ARHGAP20: variants seen among roughly 807,000 people sequenced by gnomAD.
ARHGAP20 encodes the protein rho GTPase-activating protein 20.
In ARHGAP20, 34 loss-of-function variants were observed where a neutral mutation model predicts 73.7. The observed-to-expected ratio is 0.46, with a 90% CI of 0.35 to 0.61. The LOEUF (loss-of-function observed/expected upper bound fraction) is 0.61. Among genes scored for constraint, ARHGAP20 ranks in the 20% least tolerant of loss-of-function variants. The pLI is 0.00. For missense variants in ARHGAP20, 1,314 were observed against 1,420.9 expected (o/e 0.92, Z 1.21); for synonymous variants, 523 against 518.2 (o/e 1.01, Z -0.13).
intron 9 of ARHGAP20, among the ~76,000 whole-genome samples, chr11:110,597,593 C>T (rs1948002502): frequency 6.6e-6 from 1 of 152,142 alleles, no homozygotes; most frequent in Non-Finnish European, 1.5e-5. Context: ...CCACTGTACA[C>T]AGCCCTGATT....
intron 9 of ARHGAP20, among the ~76,000 whole-genome samples, chr11:110,597,055 C>T (rs573840406): frequency 1.3e-5 from 2 of 149,706 alleles, no homozygotes; most frequent in African/African-American, 2.5e-5. Context: ...AAATCAAACA[C>T]CGCATGTTCT....
At chr11:110,591,015 A>C (rs1335164499) in intron 10 of ARHGAP20, among the ~76,000 whole-genome samples, 3 of 152,130 alleles carry the variant, frequency 2.0e-5, no homozygotes, top group Admixed American at 6.5e-5. Flanking sequence ...GGTGGTGAGC[A>C]GGTTGGGGAG....
intron 11 of ARHGAP20, chr11:110,589,357 T>C: frequency 1.0e-6 from 1 of 973,474 alleles, no homozygotes; most frequent in Non-Finnish European, 1.2e-6. Flanking sequence ...TAAGAGCAGA[T>C]ATGGCTTATT....
intron 2 of ARHGAP20, among the ~76,000 whole-genome samples, chr11:110,632,760 C>T (rs1403057280): frequency 6.6e-6 from 1 of 152,136 alleles, no homozygotes; most frequent in Non-Finnish European, 1.5e-5. Context: ...TTCTTACTGG[C>T]CATTTGCATT....
In ARHGAP20 at chr11:110,712,146, C is replaced by A. The variant is rs530582931; in HGVS notation, c.86G>T (p.Gly29Val). 13 of 1,360,880 alleles carry A rather than the reference C, an allele frequency of 9.6e-6. 1 individual carries two copies. In the South Asian group the frequency reaches 2.3e-4, roughly 24 times the overall value. 84.3% of individuals were successfully genotyped at this position (1,360,880 alleles called of 1,614,324 possible). The change falls in exon 1 of 15, where the codon GGA (glycine) becomes GTA (valine). Residue 29 changes from glycine to valine, a missense_variant. Gly to Val is a moderately radical substitution (Grantham distance 109, BLOSUM62 -3). This residue lies in a region of ARHGAP20 where 443 missense variants were observed against 466.4 expected (regional missense o/e 0.95). Coordinates refer to ENST00000683387, the MANE Select transcript of ARHGAP20 (RefSeq NM_001384657.1). ...SSLTGVSRLAGGSCTKKKMKT... is the reference protein window; with the variant it reads ...SSLTGVSRLAVGSCTKKKMKT... Reference sequence around the variant, plus strand: ...CCTCACCTTCTTGGTGCAGCTGCCTCCCGCGAGCCGAGACACTCCTGTCAG... The same window carrying A: ...CCTCACCTTCTTGGTGCAGCTGCCTACCGCGAGCCGAGACACTCCTGTCAG...
intron 2 of ARHGAP20, among the ~76,000 whole-genome samples, chr11:110,668,258 G>T (rs1280880742): frequency 4.6e-5 from 7 of 152,110 alleles, no homozygotes; most frequent in Admixed American, 4.6e-4. Flanking sequence ...ACAACACTGA[G>T]ACAAGACCCT....
intron 3 of ARHGAP20, among the ~76,000 whole-genome samples, chr11:110,627,357 T>C (rs949912122): frequency 6.6e-6 from 1 of 152,162 alleles, no homozygotes; most frequent in Admixed American, 6.5e-5. Context: ...CCTCCCAAAG[T>C]GCTGGGATTA....
chr11:110,643,728 T>C (rs1446783013), intron 2 of ARHGAP20, among the ~76,000 whole-genome samples: 1 of 152,028 alleles, frequency 6.6e-6, no homozygotes, highest in Non-Finnish European at 1.5e-5. Context: ...GAGAAGAATC[T>C]TCTGTGGTTG....
At chr11:110,612,525 A>G (rs1447300197) in intron 6 of ARHGAP20, among the ~76,000 whole-genome samples, 6 of 152,222 alleles carry the variant, frequency 3.9e-5, no homozygotes. Flanking sequence ...TTATTTAAAT[A>G]TAAAACAATG....
intron 5 of ARHGAP20, among the ~76,000 whole-genome samples, chr11:110,615,225 T>C (rs1476409213): frequency 1.3e-5 from 2 of 152,186 alleles, no homozygotes; most frequent in African/African-American, 4.8e-5. Context: ...GGAAACTTAA[T>C]ACATACTTTG....
At chr11:110,595,891 C>G (rs1456332032) in intron 9 of ARHGAP20, among the ~76,000 whole-genome samples, 1 of 152,088 alleles carries the variant, frequency 6.6e-6, no homozygotes, top group Non-Finnish European at 1.5e-5. Context: ...TGACTTCAAA[C>G]TATACTACAA....
intron 2 of ARHGAP20, among the ~76,000 whole-genome samples, chr11:110,689,277 T>C (rs1266928307): frequency 6.6e-6 from 1 of 151,966 alleles, no homozygotes; most frequent in Non-Finnish European, 1.5e-5. Context: ...ATAGATTTTA[T>C]GTTAAATTAG....
intron 1 of ARHGAP20, among the ~76,000 whole-genome samples, chr11:110,694,258 T>C (rs1243614745): frequency 6.6e-6 from 1 of 151,836 alleles, no homozygotes; most frequent in African/African-American, 2.4e-5. Flanking sequence ...TAAAGAGTGA[T>C]TAAATGTCAA....
chr11:110,703,219 A>G (rs1277778851), intron 1 of ARHGAP20, among the ~76,000 whole-genome samples: 5 of 152,186 alleles, frequency 3.3e-5, no homozygotes, highest in Non-Finnish European at 7.4e-5. Context: ...AGTACAGACT[A>G]CTGTAAATGA....
At chr11:110,691,301 T>G (rs1203510659) in intron 1 of ARHGAP20, among the ~76,000 whole-genome samples, 7 of 152,134 alleles carry the variant, frequency 4.6e-5, no homozygotes, top group African/African-American at 1.7e-4. Flanking sequence ...CTCTCTAAAT[T>G]TAGTCTTATA....
chr11:110,612,022 T>G (rs1192916093), intron 6 of ARHGAP20, among the ~76,000 whole-genome samples: 1 of 152,168 alleles, frequency 6.6e-6, no homozygotes, highest in Non-Finnish European at 1.5e-5. Flanking sequence ...AATGAAAATT[T>G]TAGAAAGCTC....
At position 110,606,694 on chromosome 11, in the gene ARHGAP20, C is replaced by T; in HGVS notation, c.831G>A (p.Leu277=). ...TGGTAGAGTCCTTTGATCCCGGTGT[C>T]AGGAGTGCAGAGTCTCGAAGATGGC... ...KMSHLRDSAL[L]TPGSKDSTTP... is the part of the protein sequence containing the mutation. Residue 277 remains leucine, a synonymous_variant, in exon 9 of 15, where the codon CTG becomes CTA. Coordinates refer to ENST00000683387, the MANE Select transcript of ARHGAP20 (RefSeq NM_001384657.1). 1 of 1,599,660 alleles carries T rather than the reference C, an allele frequency of 6.3e-7. No individual in the cohort carries two copies. The highest frequency in any genetic ancestry group is 8.5e-7 in the Non-Finnish European group (1 of 1,175,088).
At chr11:110,661,865 C>T (rs919482502) in intron 2 of ARHGAP20, among the ~76,000 whole-genome samples, 18 of 152,044 alleles carry the variant, frequency 1.2e-4, no homozygotes, top group African/African-American at 4.3e-4. Context: ...TATAGCAATC[C>T]ACTTCTGCAA....
chr11:110,619,690 TAGTGATAGAGTATATAC>T (rs1565442278), intron 4 of ARHGAP20, among the ~76,000 whole-genome samples: 64 of 101,046 alleles, frequency 6.3e-4, no homozygotes, highest in South Asian at 2.3e-3. Context: ...AGAGTATATG[TAGTGATAGAGTATATAC>T]AGTGATAGAG....
Sources: gnomAD v4.1 joint callset for allele counts (sites outside exome capture counted in the v4.1 genomes callset) on GRCh38, gnomAD v4.1.1 for gene constraint, gnomAD v4.1.1 regional missense constraint, MANE v1.5 for transcripts, NCBI Gene and HGNC (gene_info 2026-07-23, HGNC 2026-07-21) for gene names.